The following NEURL1 variants were observed in gnomAD, a reference collection of about 807,000 sequenced individuals.
The protein encoded by NEURL1 is neuralized E3 ubiquitin protein ligase 1, also known as E3 ubiquitin-protein ligase NEURL1.
A neutral mutation model predicts 41.2 loss-of-function variants in NEURL1; 26 were observed. That is an observed-to-expected ratio of 0.63 (90% CI 0.46 to 0.87). The LOEUF (loss-of-function observed/expected upper bound fraction) is 0.87, where lower values mean the gene tolerates loss of function less well. Ranked by LOEUF, NEURL1 falls within the 40% of genes least tolerant of loss-of-function variation. NEURL1 has a pLI of 0.00. For synonymous variants in NEURL1, 400 were observed against 402.3 expected, an observed-to-expected ratio of 0.99 and a Z score of 0.07; for missense variants, 761 against 871.1, an observed-to-expected ratio of 0.87 and a Z score of 1.59.
At chr10:103,585,430 G>C (rs1023602087) in intron 4 of NEURL1, among the ~76,000 whole-genome samples, 2 of 152,180 alleles carry the variant, frequency 1.3e-5, no homozygotes, top group Non-Finnish European at 2.9e-5. Context: ...CCTGGGGGGT[G>C]AGGCGAGGGA....
At chr10:103,549,710 C>T (rs1051149130) in intron 1 of NEURL1, among the ~76,000 whole-genome samples, 1 of 152,204 alleles carries the variant, frequency 6.6e-6, no homozygotes, top group Non-Finnish European at 1.5e-5. Context: ...ACAGCAGGGT[C>T]ACCTCCTCTT....
At chr10:103,498,147 C>G (rs1041702692) in intron 1 of NEURL1, among the ~76,000 whole-genome samples, 1 of 152,202 alleles carries the variant, frequency 6.6e-6, no homozygotes, top group African/African-American at 2.4e-5. Context: ...GAGGTTCATG[C>G]CTCTTGGAGA....
At position 103,590,421 on chromosome 10, in the gene NEURL1, C is replaced by G. The variant is rs776747454; in HGVS notation, c.*49C>G. 1.3e-6 allele frequency: 2 copies of G among 1,515,652 alleles called. No individual in the cohort carries two copies. The highest frequency in any genetic ancestry group is 1.8e-6 in the Non-Finnish European group (2 of 1,093,862). The allele number at this position is 1,515,652 out of a possible 1,614,324, so 93.9% of individuals were successfully genotyped here. A position where few individuals can be genotyped will look rare whatever the true frequency, so the allele number is the denominator to read the frequency against. Reference sequence around the variant, plus strand: ...ATACCCATCTTCTCGGGCTTCAGCCCAGTCCCAGCTGAGGAACAAGCCAGT... The same window carrying G: ...ATACCCATCTTCTCGGGCTTCAGCCGAGTCCCAGCTGAGGAACAAGCCAGT... On this transcript the variant is annotated 3_prime_UTR_variant, in exon 6 of 6. Coordinates refer to ENST00000369780, the MANE Select transcript of NEURL1 (RefSeq NM_004210.5).
At chr10:103,498,630 T>C (rs2033747390) in intron 1 of NEURL1, among the ~76,000 whole-genome samples, 1 of 152,210 alleles carries the variant, frequency 6.6e-6, no homozygotes, top group African/African-American at 2.4e-5. Flanking sequence ...CCACCGCCTC[T>C]ACCTAATTCC....
intron 1 of NEURL1, among the ~76,000 whole-genome samples, chr10:103,515,576 A>G (rs1231756808): frequency 1.3e-5 from 2 of 152,242 alleles, no homozygotes; most frequent in East Asian, 3.8e-4. Context: ...TTATAAAGGT[A>G]TAGTAAACTT....
At chr10:103,560,056 CAT>C (rs968382955) in intron 1 of NEURL1, among the ~76,000 whole-genome samples, 2 of 152,148 alleles carry the variant, frequency 1.3e-5, no homozygotes, top group African/African-American at 4.8e-5. Context: ...CGCACACACA[CAT>C]ACACGCATGC....
intron 3 of NEURL1, among the ~76,000 whole-genome samples, chr10:103,574,677 C>T (rs978689719): frequency 2.6e-5 from 4 of 152,192 alleles, no homozygotes; most frequent in African/African-American, 4.8e-5. Context: ...ACACGACAGA[C>T]GGGCTTCCCA....
intron 1 of NEURL1, among the ~76,000 whole-genome samples, chr10:103,516,472 G>C (rs2034209769): frequency 1.3e-5 from 2 of 151,738 alleles, no homozygotes; most frequent in Admixed American, 1.3e-4. Flanking sequence ...TCCTGGGGGA[G>C]ACGCTGGGTT....
intron 1 of NEURL1, among the ~76,000 whole-genome samples, chr10:103,529,664 T>G (rs1210300182): frequency 6.6e-6 from 1 of 152,222 alleles, no homozygotes; most frequent in African/African-American, 2.4e-5. Flanking sequence ...ACAAATAGTT[T>G]CCAAATTCTG....
chr10:103,523,290 T>C (rs976204778), intron 1 of NEURL1, among the ~76,000 whole-genome samples: 3 of 151,682 alleles, frequency 2.0e-5, no homozygotes, highest in African/African-American at 7.3e-5. Flanking sequence ...CCCCCATCTT[T>C]ACAAAAAATA....
At chr10:103,498,579 T>C (rs2133842547) in intron 1 of NEURL1, among the ~76,000 whole-genome samples, 1 of 152,310 alleles carries the variant, frequency 6.6e-6, no homozygotes, top group Non-Finnish European at 1.5e-5. Flanking sequence ...TTTTAAAATG[T>C]ATAATTCAGT....
intron 1 of NEURL1, among the ~76,000 whole-genome samples, chr10:103,531,029 G>A (rs934393427): frequency 9.9e-5 from 15 of 151,940 alleles, no homozygotes; most frequent in African/African-American, 3.6e-4. Flanking sequence ...AGACCAGCTT[G>A]GTCAATATGG....
chr10:103,552,852 G>A (rs1231132685), intron 1 of NEURL1, among the ~76,000 whole-genome samples: 1 of 152,290 alleles, frequency 6.6e-6, no homozygotes, highest in Non-Finnish European at 1.5e-5. Flanking sequence ...GTTAGGAGAT[G>A]CCCAGCTCAG....
chr10:103,503,866 C>T (rs1592177447), intron 1 of NEURL1, among the ~76,000 whole-genome samples: 1 of 147,844 alleles, frequency 6.8e-6, no homozygotes, highest in Non-Finnish European at 1.5e-5. Flanking sequence ...TCACAGCTCA[C>T]TGCAGCCTCA....
intron 1 of NEURL1, among the ~76,000 whole-genome samples, chr10:103,533,788 G>A (rs1048833262): frequency 5.4e-4 from 82 of 152,110 alleles, no homozygotes; most frequent in Middle Eastern, 6.8e-3. Context: ...CGCCCGCCTT[G>A]GCCTCCCAAA....
intron 1 of NEURL1, among the ~76,000 whole-genome samples, chr10:103,553,792 G>T (rs575311146): frequency 6.6e-6 from 1 of 152,134 alleles, no homozygotes; most frequent in Non-Finnish European, 1.5e-5. Flanking sequence ...CCACCTGCCC[G>T]CTGGCTTTCT....
rs372464682 is a variant in NEURL1 at position 103,568,227 on chromosome 10, A to C, written c.86-2645A>C. The stretch of plus-strand genomic sequence containing the variant: ...CAGGGTGCTGGGCCTGTGCTGCCCC[A>C]GCCCCACCCTCAACCCCCTACCCAA... On this transcript the variant is annotated intron_variant, in intron 1 of 5. Coordinates refer to ENST00000369780, the MANE Select transcript of NEURL1 (RefSeq NM_004210.5). Among the ~76,000 whole-genome samples, 94 of 152,202 alleles carry C rather than the reference A, an allele frequency of 6.2e-4. 1 individual carries two copies. The highest frequency in any genetic ancestry group is 2.2e-3 in the African/African-American group (91 of 41,550).
At chr10:103,498,387 C>T (rs995721663) in intron 1 of NEURL1, among the ~76,000 whole-genome samples, 4 of 151,988 alleles carry the variant, frequency 2.6e-5, no homozygotes, top group Admixed American at 6.6e-5. Context: ...CCACCGCGCC[C>T]GGCTAATTTT....
At chr10:103,554,887 G>T (rs1446897864) in intron 1 of NEURL1, among the ~76,000 whole-genome samples, 1 of 152,222 alleles carries the variant, frequency 6.6e-6, no homozygotes, top group Non-Finnish European at 1.5e-5. Flanking sequence ...AGGTGCATGA[G>T]GCTAGTGAAT....
Sources: gnomAD v4.1 joint callset for allele counts (sites outside exome capture counted in the v4.1 genomes callset) on GRCh38, gnomAD v4.1.1 for gene constraint, MANE v1.5 for transcripts, NCBI Gene and HGNC (gene_info 2026-07-23, HGNC 2026-07-21) for gene names.